The following PRKN variants were observed in gnomAD, a reference collection of about 807,000 sequenced individuals.
PRKN encodes parkin RBR E3 ubiquitin protein ligase, also known as E3 ubiquitin-protein ligase parkin.
PRKN carries 56 observed loss-of-function variants against 59.5 expected under a neutral mutation model. The ratio of observed to expected loss-of-function variants is 0.94; its 90% CI spans 0.76 to 1.18. PRKN has a LOEUF of 1.18. PRKN is among the 50% of genes most tolerant of loss of function. PRKN has a pLI of 0.00. For synonymous variants in PRKN, 250 were observed against 222.1 expected (o/e 1.13, Z -1.12); for missense variants, 657 against 596.4 (o/e 1.10, Z -1.06).
chr6:161,900,257 G>T (rs185224329), intron 6 of PRKN, among the ~76,000 whole-genome samples: 1 of 151,022 alleles, frequency 6.6e-6, no homozygotes, highest in Admixed American at 6.6e-5. Flanking sequence ...ACTATGCACC[G>T]TGCAGGTGAG....
At chr6:162,636,324 T>C (rs758060829) in intron 1 of PRKN, among the ~76,000 whole-genome samples, 11 of 152,200 alleles carry the variant, frequency 7.2e-5, no homozygotes, top group Non-Finnish European at 1.5e-4. Flanking sequence ...CACCAAATGT[T>C]TGGCTAAAAA....
At chr6:162,015,799 T>A (rs574873264) in intron 5 of PRKN, among the ~76,000 whole-genome samples, 1 of 152,324 alleles carries the variant, frequency 6.6e-6, no homozygotes, top group Admixed American at 6.5e-5. Flanking sequence ...TGAATGCTTA[T>A]ATGTTACAAT....
intron 2 of PRKN, among the ~76,000 whole-genome samples, chr6:162,279,911 C>A (rs1780809569): frequency 6.6e-6 from 1 of 152,134 alleles, no homozygotes; most frequent in South Asian, 2.1e-4. Context: ...GTATTGATCC[C>A]TTTACCATTA....
intron 1 of PRKN, among the ~76,000 whole-genome samples, chr6:162,722,909 C>A (rs1778988419): frequency 6.6e-6 from 1 of 152,144 alleles, no homozygotes; most frequent in Non-Finnish European, 1.5e-5. Context: ...ATAAAATCTT[C>A]TATGCAAAAC....
Position 161,433,973 on chromosome 6 carries a change from C to T in PRKN, c.1084-47096G>A, listed in dbSNP as rs556666367. Among the ~76,000 whole-genome samples, 20 of 151,920 alleles carry T rather than the reference C, an allele frequency of 1.3e-4. No homozygotes were observed. The South Asian group carries it at 3.3e-3, about 25-fold the overall frequency. On this transcript the variant is annotated intron_variant, in intron 9 of 11. Transcript: ENST00000366898. Reference sequence around the variant, plus strand: ...CAGAGGTTGCAGTGAGTTGAGATCACGCCATTGCATTCCAGCCTGGGTGAC... The same window carrying T: ...CAGAGGTTGCAGTGAGTTGAGATCATGCCATTGCATTCCAGCCTGGGTGAC...
intron 7 of PRKN, among the ~76,000 whole-genome samples, chr6:161,701,836 C>A (rs1480431116): frequency 6.6e-6 from 1 of 152,098 alleles, no homozygotes; most frequent in Non-Finnish European, 1.5e-5. Context: ...AACAGAAATA[C>A]CTTTATTTAT....
chr6:161,881,425 A>G (rs1479967388), intron 6 of PRKN, among the ~76,000 whole-genome samples: 1 of 152,196 alleles, frequency 6.6e-6, no homozygotes, highest in East Asian at 1.9e-4. Context: ...CGGTGAGTGC[A>G]GTGTGTTTCC....
chr6:162,051,418 G>T (rs762821729), intron 5 of PRKN, among the ~76,000 whole-genome samples: 5 of 152,190 alleles, frequency 3.3e-5, no homozygotes, highest in African/African-American at 4.8e-5. Flanking sequence ...CAAAGCCAGC[G>T]TGGGGGACTT....
At chr6:162,547,167 C>G (rs897475248) in intron 1 of PRKN, among the ~76,000 whole-genome samples, 2 of 152,280 alleles carry the variant, frequency 1.3e-5, no homozygotes, top group Non-Finnish European at 2.9e-5. Context: ...TATTATGTTT[C>G]TGGTACACAT....
intron 7 of PRKN, among the ~76,000 whole-genome samples, chr6:161,669,665 G>C (rs1371153030): frequency 6.6e-6 from 1 of 152,190 alleles, no homozygotes; most frequent in Non-Finnish European, 1.5e-5. Flanking sequence ...TCAACCACTA[G>C]GGATTCTCAA....
At chr6:162,644,649 G>A (rs915215065) in intron 1 of PRKN, among the ~76,000 whole-genome samples, 5 of 152,104 alleles carry the variant, frequency 3.3e-5, no homozygotes, top group Non-Finnish European at 7.4e-5. Context: ...CCTAATTATA[G>A]AGCCCCAATT....
chr6:162,076,749 G>A (rs950661080), intron 4 of PRKN, among the ~76,000 whole-genome samples: 5 of 152,032 alleles, frequency 3.3e-5, no homozygotes, highest in African/African-American at 9.7e-5. Flanking sequence ...CTTTTAGATC[G>A]ATGTTTTTGA....
intron 7 of PRKN, among the ~76,000 whole-genome samples, chr6:161,570,136 A>ATAT (rs1302503218): frequency 3.0e-5 from 4 of 135,164 alleles, no homozygotes; most frequent in African/African-American, 8.8e-5. Flanking sequence ...AAAAAAAAAA[A>ATAT]AAAAAAAAAA....
chr6:161,887,822 C>T (rs62438278), intron 6 of PRKN, among the ~76,000 whole-genome samples: 8 of 151,974 alleles, frequency 5.3e-5, no homozygotes, highest in South Asian at 2.1e-4. Context: ...CCATTAAGGT[C>T]GATGCGATTT....
rs1212814081 is a variant in PRKN at position 162,210,862 on chromosome 6, T to G, written c.413-9610A>C. On this transcript the variant is annotated intron_variant, in intron 3 of 11. Coordinates refer to ENST00000366898, the MANE Select transcript of PRKN (RefSeq NM_004562.3). The stretch of plus-strand genomic sequence containing the variant: ...GTATTTCCAAAATAAAAGCTTTTTT[T>G]ATTGTATGGTTGTGGAATGGTACTA... Among the ~76,000 whole-genome samples the G allele has an allele frequency of 4.6e-5, 7 of 152,320 alleles. No homozygotes were observed. The East Asian group carries it at 1.4e-3, about 29-fold the overall frequency.
At chr6:162,687,554 T>G (rs1481323195) in intron 1 of PRKN, among the ~76,000 whole-genome samples, 1 of 152,144 alleles carries the variant, frequency 6.6e-6, no homozygotes, top group Non-Finnish European at 1.5e-5. Context: ...TGCTCATAAA[T>G]GGCCATGCTT....
intron 9 of PRKN, among the ~76,000 whole-genome samples, chr6:161,522,033 C>T (rs964600613): frequency 5.9e-5 from 9 of 152,044 alleles, no homozygotes; most frequent in Non-Finnish European, 1.2e-4. Context: ...GGAGGGGTGG[C>T]AGAACGGATG....
intron 9 of PRKN, among the ~76,000 whole-genome samples, chr6:161,516,838 A>AAAAG (rs1031963311): frequency 6.6e-6 from 1 of 150,544 alleles, no homozygotes; most frequent in Non-Finnish European, 1.5e-5. Flanking sequence ...AAAAAAAAAA[A>AAAAG]AAAAAAAAAG....
intron 1 of PRKN, among the ~76,000 whole-genome samples, chr6:162,576,072 TCTTA>T (rs1460633864): frequency 6.6e-6 from 1 of 152,190 alleles, no homozygotes; most frequent in Non-Finnish European, 1.5e-5. Flanking sequence ...ATGGCTTGAA[TCTTA>T]CTTCTTTCTT....
Sources: gnomAD v4.1 joint callset for allele counts (sites outside exome capture counted in the v4.1 genomes callset) on GRCh38, gnomAD v4.1.1 for gene constraint, MANE v1.5 for transcripts, NCBI Gene and HGNC (gene_info 2026-07-23, HGNC 2026-07-21) for gene names.